GLG1: variants seen among roughly 807,000 people sequenced by gnomAD.
The protein encoded by GLG1 is Golgi apparatus protein 1.
A neutral mutation model predicts 160.5 loss-of-function variants in GLG1; 38 were observed. That is an observed-to-expected ratio of 0.24 (90% CI 0.18 to 0.31). The LOEUF (loss-of-function observed/expected upper bound fraction) is 0.31, where lower values mean the gene tolerates loss of function less well. Ranked by LOEUF, GLG1 falls within the 10% of genes least tolerant of loss-of-function variation. GLG1 has a pLI of 1.00. For synonymous variants in GLG1, 644 were observed against 543.4 expected (o/e 1.19, Z -2.57); for missense variants, 1,373 against 1,505.2 (o/e 0.91, Z 1.45).
intron 1 of GLG1, among the ~76,000 whole-genome samples, chr16:74,584,070 C>T (rs1327414729): frequency 6.6e-6 from 1 of 152,110 alleles, no homozygotes; most frequent in Non-Finnish European, 1.5e-5. Context: ...GCTTTCTCAG[C>T]GCCTTCAATT....
chr16:74,596,321 C>A (rs1958301789), intron 1 of GLG1, among the ~76,000 whole-genome samples: 1 of 151,710 alleles, frequency 6.6e-6, no homozygotes, highest in Non-Finnish European at 1.5e-5. Flanking sequence ...CTGAGGTCAG[C>A]AGTTCGAGAC....
intron 1 of GLG1, among the ~76,000 whole-genome samples, chr16:74,605,351 C>A (rs1958541435): frequency 2.0e-5 from 3 of 152,188 alleles, no homozygotes; most frequent in Non-Finnish European, 4.4e-5. Context: ...TAATAATGTG[C>A]TGTTTCTACC....
chr16:74,535,142 G>A lies in GLG1; in HGVS notation c.439-2989C>T, dbSNP rs531158479. Among the ~76,000 whole-genome samples, 44 of 152,034 alleles carry A rather than the reference G, an allele frequency of 2.9e-4. 1 individual carries two copies. Among genetic ancestry groups the A allele is most frequent in the Admixed American group, 7.2e-4 (11 of 15,274 alleles). On this transcript the variant is annotated intron_variant, in intron 1 of 25. Transcript: ENST00000422840. The stretch of plus-strand genomic sequence containing the variant: ...CCCATGGGAAAGAAAAACAAGCCTC[G>A]AGTTAAGCCCATGAAAGTTTGAGGG...
At chr16:74,467,629 T>C in intron 18 of GLG1, 127 bp downstream of exon 18, 1 of 631,350 alleles carries the variant, frequency 1.6e-6, no homozygotes, top group Non-Finnish European at 2.8e-6. Flanking sequence ...AGGGATGAGA[T>C]GGGTCCTGTC....
chr16:74,457,977 C>T lies in GLG1; in HGVS notation c.3162G>A (p.Leu1054=), dbSNP rs1291896968. Residue 1054 remains leucine, a synonymous_variant, in exon 24 of 26, where the codon CTG becomes CTA. Coordinates refer to ENST00000422840, the MANE Select transcript of GLG1 (RefSeq NM_001145667.2). Reference sequence around the variant, plus strand: ...CAAAGATGTCTGCTTTGCTTTCCTTCAGCATGTTTAGCACTTCCTGGAAAG... The same window carrying T: ...CAAAGATGTCTGCTTTGCTTTCCTTTAGCATGTTTAGCACTTCCTGGAAAG... ...ELCKKEVLNM[L]KESKADIFVD... is the part of the protein sequence containing the mutation. 5 of 1,613,794 alleles carry T rather than the reference C, an allele frequency of 3.1e-6. No homozygotes were observed.
At position 74,456,692 on chromosome 16, in the gene GLG1, T is replaced by A; in HGVS notation, c.3329A>T (p.Lys1110Met). ...KRVRLQPECK[K>M]RLNDRIEMWS... Reference sequence around the variant, plus strand: ...CATCTCAATCCGGTCATTGAGGCGCTTTTTGCACTCGGGCTGTAACCTCAC... The same window carrying A: ...CATCTCAATCCGGTCATTGAGGCGCATTTTGCACTCGGGCTGTAACCTCAC... The change falls in exon 25 of 26, where the codon AAG becomes ATG. Residue 1110 changes from lysine to methionine, a missense_variant. Lys to Met is a moderately conservative substitution (Grantham distance 95, BLOSUM62 -1). This residue lies in a region of GLG1 where 491 missense variants were observed against 632.1 expected (regional missense o/e 0.78). Transcript: ENST00000422840. The A allele has an allele frequency of 6.2e-7, 1 of 1,609,494 alleles. No homozygotes were observed. Among genetic ancestry groups the A allele is most frequent in the East Asian group, 2.2e-5 (1 of 44,858 alleles).
chr16:74,459,167 A>C, intron 23 of GLG1, among the ~76,000 whole-genome samples: 1 of 152,240 alleles, frequency 6.6e-6, no homozygotes. Flanking sequence ...TAATGACATC[A>C]GTGAAATTCT....
At chr16:74,462,369 C>A in intron 21 of GLG1, 119 bp downstream of exon 21, 2 of 977,722 alleles carry the variant, frequency 2.0e-6, no homozygotes. Context: ...CCCCCAGGTT[C>A]GGGAAGATAT....
intron 1 of GLG1, among the ~76,000 whole-genome samples, chr16:74,546,837 CAA>C (rs71376218): frequency 8.4e-5 from 5 of 59,704 alleles, no homozygotes; most frequent in African/African-American, 1.5e-4. Flanking sequence ...GACTCCATCT[CAA>C]AAAAAAAAAA....
intron 3 of GLG1, among the ~76,000 whole-genome samples, chr16:74,504,754 G>T (rs548108501): frequency 6.6e-6 from 1 of 152,170 alleles, no homozygotes; most frequent in South Asian, 2.1e-4. Context: ...TTGGGAAGGG[G>T]AACCTAGTTT....
chr16:74,523,309 T>C (rs2017231032), intron 2 of GLG1, among the ~76,000 whole-genome samples: 1 of 152,182 alleles, frequency 6.6e-6, no homozygotes, highest in Non-Finnish European at 1.5e-5. Context: ...TATTCAAGTA[T>C]CCATTTATGT....
intron 1 of GLG1, among the ~76,000 whole-genome samples, chr16:74,579,792 C>T (rs1957897901): frequency 6.6e-6 from 1 of 152,006 alleles, no homozygotes; most frequent in Admixed American, 6.6e-5. Context: ...TGGCCACGCA[C>T]AGTGGCTCAC....
At chr16:74,540,493 G>A (rs1251057113) in intron 1 of GLG1, among the ~76,000 whole-genome samples, 2 of 151,690 alleles carry the variant, frequency 1.3e-5, no homozygotes, top group Non-Finnish European at 2.9e-5. Flanking sequence ...CATATACAGA[G>A]CTCAACCAAT....
intron 1 of GLG1, among the ~76,000 whole-genome samples, chr16:74,589,622 G>A (rs899032669): frequency 3.9e-5 from 6 of 152,198 alleles, no homozygotes; most frequent in African/African-American, 7.2e-5. Context: ...GAGCCAGTGC[G>A]AAGCAGAGGC....
chr16:74,456,782 G>A lies in GLG1; in HGVS notation c.3266-27C>T, dbSNP rs200512790. 2.2e-3 allele frequency: 2,908 copies of A among 1,334,076 alleles called. 4 individuals carry two copies. The highest frequency in any genetic ancestry group is 2.8e-3 in the Non-Finnish European group (2,609 of 924,080). 82.6% of individuals were successfully genotyped at this position (1,334,076 alleles called of 1,614,324 possible). Reference sequence around the variant, plus strand: ...TGTGGGAGGAAATGAATAATAAGAAGAACCTGAAACTGTACAGAATAGAGA... The same window carrying A: ...TGTGGGAGGAAATGAATAATAAGAAAAACCTGAAACTGTACAGAATAGAGA... On this transcript the variant is annotated intron_variant, in intron 24 of 25. Transcript: ENST00000422840.
intron 1 of GLG1, among the ~76,000 whole-genome samples, chr16:74,550,855 A>T (rs1221717706): frequency 6.6e-6 from 1 of 152,238 alleles, no homozygotes; most frequent in Non-Finnish European, 1.5e-5. Flanking sequence ...CAAGGGCAGT[A>T]GATGTGAGAA....
At chr16:74,478,802 A>C (rs939065082) in intron 11 of GLG1, among the ~76,000 whole-genome samples, 2 of 150,742 alleles carry the variant, frequency 1.3e-5, no homozygotes, top group Non-Finnish European at 2.9e-5. Flanking sequence ...ATCCCAGCTA[A>C]TCTGGAGGGT....
At chr16:74,562,203 A>G (rs903963611) in intron 1 of GLG1, among the ~76,000 whole-genome samples, 2 of 152,244 alleles carry the variant, frequency 1.3e-5, no homozygotes, top group African/African-American at 4.8e-5. Flanking sequence ...TAAGTAAGGT[A>G]TTACAGACAC....
chr16:74,481,629 A>G (rs2015601485), intron 10 of GLG1, among the ~76,000 whole-genome samples: 1 of 152,226 alleles, frequency 6.6e-6, no homozygotes, highest in African/African-American at 2.4e-5. Context: ...AAGGAATAGA[A>G]ATAAGAATAT....
Sources: gnomAD v4.1 joint callset for allele counts (sites outside exome capture counted in the v4.1 genomes callset) on GRCh38, gnomAD v4.1.1 for gene constraint, gnomAD v4.1.1 regional missense constraint, MANE v1.5 for transcripts, NCBI Gene and HGNC (gene_info 2026-07-23, HGNC 2026-07-21) for gene names.